TLE6: variants seen among roughly 807,000 people sequenced by gnomAD.
TLE6 encodes the protein transducin-like enhancer protein 6.
TLE6 carries 72 observed loss-of-function variants against 77.1 expected under a neutral mutation model. The observed-to-expected ratio is 0.93, with a 90% confidence interval of 0.77 to 1.14. The LOEUF (loss-of-function observed/expected upper bound fraction) is 1.14. Ranked by LOEUF, TLE6 falls within the 50% of genes most tolerant of loss-of-function variation. TLE6 has a pLI of 0.00. For synonymous variants in TLE6, 366 were observed against 287.3 expected, an observed-to-expected ratio of 1.27 and a Z score of -2.77; for missense variants, 843 against 747.6, an observed-to-expected ratio of 1.13 and a Z score of -1.49.
chr19:2,987,096 G>T lies in TLE6; in HGVS notation c.399G>T (p.Arg133=). ...IMATRSSDWL[R]RPLGEDNQPE... is the part of the protein sequence containing the mutation. ...CCACCAGGTCCTCCGACTGGCTCCGGCGGCCTTTGGGGGAGGACAATCAGC... is the reference window on the plus strand; with the variant it reads ...CCACCAGGTCCTCCGACTGGCTCCGTCGGCCTTTGGGGGAGGACAATCAGC... Residue 133 remains arginine (R), a synonymous_variant, in exon 7 of 17, where the codon CGG becomes CGT. Coordinates refer to ENST00000246112, the MANE Select transcript of TLE6 (RefSeq NM_001143986.2). The T allele has an allele frequency of 6.2e-7, 1 of 1,614,164 alleles. No individual in the cohort carries two copies. Among genetic ancestry groups the T allele is most frequent in the South Asian group, 1.1e-5 (1 of 91,092 alleles).
At chr19:2,986,693 G>A (rs1282921052) in intron 5 of TLE6, 136 bp from the exon 6 acceptor site, 1 of 880,398 alleles carries the variant, frequency 1.1e-6, no homozygotes, top group Non-Finnish European at 1.7e-6. Context: ...CAGCTTGGGT[G>A]ACAGAGTGAG....
At chr19:2,982,740 A>G (rs2088824992) in intron 5 of TLE6, among the ~76,000 whole-genome samples, 1 of 151,840 alleles carries the variant, frequency 6.6e-6, no homozygotes, top group African/African-American at 2.4e-5. Context: ...TATCTTGGGG[A>G]GCATCTCCTG....
In TLE6 at chr19:2,987,247, C is replaced by T; in HGVS notation, c.541+9C>T. ...AAAGCCCAGAGACAGACGTGAGTGT[C>T]CCTGAGGGTGAGGGGGAAGGGGCAG... On this transcript the variant is annotated intron_variant, in intron 7 of 16. Transcript: ENST00000246112. 1.2e-6 allele frequency: 2 copies of T among 1,614,106 alleles called. No homozygotes were observed. The highest frequency in any genetic ancestry group is 1.7e-6 in the Non-Finnish European group (2 of 1,179,970).
chr19:2,981,082 G>T (rs996485336), intron 3 of TLE6, among the ~76,000 whole-genome samples: 2 of 151,712 alleles, frequency 1.3e-5, no homozygotes, highest in Non-Finnish European at 2.9e-5. Context: ...GTGGCGGGGC[G>T]CGGTGGCTCA....
intron 3 of TLE6, among the ~76,000 whole-genome samples, chr19:2,980,644 G>C (rs2088779151): frequency 6.6e-6 from 1 of 151,516 alleles, no homozygotes; most frequent in South Asian, 2.1e-4. Context: ...ACTGAGGCAG[G>C]AGAATCTCTT....
Position 2,993,026 on chromosome 19 carries a change from T to TAAAAAA in TLE6, c.1387-384_1387-379dup, listed in dbSNP as rs377287142. Among the ~76,000 whole-genome samples the TAAAAAA allele has an allele frequency of 4.1e-4, 20 of 48,354 alleles. 2 individuals are homozygous for TAAAAAA. The highest frequency in any genetic ancestry group is 1.2e-3 in the African/African-American group (16 of 13,880). The allele number at this position is 48,354 out of a possible 152,430, so 31.7% of individuals were successfully genotyped here. ...CAACATGGTGAAACCCCGTCTCTAC[T>TAAAAAA]AAAAAAAAAAAAAAAAAAAAAAAAA... On this transcript the variant is annotated intron_variant, in intron 14 of 16. Transcript: ENST00000246112.
chr19:2,993,153 C>T (rs923555330), intron 14 of TLE6, among the ~76,000 whole-genome samples: 1 of 151,556 alleles, frequency 6.6e-6, no homozygotes, highest in South Asian at 2.1e-4. Context: ...CAGACGTTGT[C>T]GTAAGCCGAG....
intron 13 of TLE6, among the ~76,000 whole-genome samples, chr19:2,991,369 A>G (rs2089052268): frequency 8.6e-6 from 1 of 116,426 alleles, no homozygotes; most frequent in African/African-American, 3.5e-5. Context: ...AAAAAAAAAA[A>G]AAATACGTAT....
At chr19:2,993,281 G>A (rs1263415135) in intron 14 of TLE6, 151 bp from the exon 15 acceptor site, 55 of 670,712 alleles carry the variant, frequency 8.2e-5, no homozygotes. Context: ...AACAAACTGA[G>A]GCACAGATAC....
intron 13 of TLE6, among the ~76,000 whole-genome samples, chr19:2,991,391 TATATACACAC>T (rs1268746353): frequency 3.4e-4 from 39 of 114,838 alleles, no homozygotes; most frequent in African/African-American, 1.4e-3. Context: ...TATATATATA[TATATACACAC>T]ACACACACAC....
chr19:2,992,658 G>A (rs537836855), intron 14 of TLE6, among the ~76,000 whole-genome samples: 77 of 151,132 alleles, frequency 5.1e-4, no homozygotes, highest in African/African-American at 1.7e-3. Context: ...ACCTGGGGTC[G>A]CAGCTAGTTG....
chr19:2,988,065 G>A (rs527865221), intron 10 of TLE6, 26 bp from the exon 11 acceptor site: 1 of 1,554,426 alleles, frequency 6.4e-7, no homozygotes, highest in Admixed American at 2.0e-5. Flanking sequence ...GAGGCTGGGG[G>A]CAGCTGTGAT....
chr19:2,994,796 CCT>C (rs1172499692), intron 16 of TLE6, 102 bp from the exon 17 acceptor site: 2 of 661,618 alleles, frequency 3.0e-6, no homozygotes, highest in Non-Finnish European at 5.3e-6. Context: ...AGAGCAAGAC[CCT>C]GTCTTTCTTT....
intron 1 of TLE6, among the ~76,000 whole-genome samples, 175 bp downstream of exon 1, chr19:2,977,785 C>T (rs1688113654): frequency 6.6e-6 from 1 of 152,088 alleles, no homozygotes; most frequent in Non-Finnish European, 1.5e-5. Flanking sequence ...ATGAATTCCG[C>T]CTAATGCACC....
chr19:2,993,668 C>T lies in TLE6; in HGVS notation c.1537+86C>T, dbSNP rs187287206. On this transcript the variant is annotated intron_variant, in intron 15 of 16. Transcript: ENST00000246112. ...CACCTAATGCCAGCTCCCCACCCAA[C>T]CCTCTAGGACACCTCAGAACCCTTC... 40 of 1,457,908 alleles carry T rather than the reference C, an allele frequency of 2.7e-5. No individual in the cohort carries two copies. The Admixed American group carries it at 5.4e-4, about 20-fold the overall frequency. The allele number at this position is 1,457,908 out of a possible 1,614,324, so 90.3% of individuals were successfully genotyped here.
chr19:2,977,812 A>G (rs1013259906), intron 1 of TLE6, among the ~76,000 whole-genome samples: 10 of 152,092 alleles, frequency 6.6e-5, no homozygotes, highest in African/African-American at 2.2e-4. Context: ...ACTCCTAGTC[A>G]TCCTTCAAAA....
rs2088718143 is a variant in TLE6, at chr19:2,978,210, G to T, written c.-24G>T. The T allele has an allele frequency of 1.3e-6, 2 of 1,551,350 alleles. No homozygotes were observed. Among genetic ancestry groups the T allele is most frequent in the South Asian group, 2.4e-5 (2 of 84,062 alleles). On this transcript the variant is annotated 5_prime_UTR_variant, in exon 2 of 17. Transcript: ENST00000246112. ...CTTGTTGTTTTAGACTCTGGCTAAA[G>T]TCTTGGAGGCTACTGCCTTGAAGAT...
chr19:2,980,132 T>C lies in TLE6; in HGVS notation c.84T>C (p.Ser28=). 1 of 1,550,514 alleles carries C rather than the reference T, an allele frequency of 6.4e-7. No individual in the cohort carries two copies. The highest frequency in any genetic ancestry group is 8.7e-7 in the Non-Finnish European group (1 of 1,146,188). Residue 28 remains serine, a synonymous_variant, in exon 3 of 17, where the codon TCT becomes TCC. Transcript: ENST00000246112. ...PCPGISNSES[S]PTLNYQGILN... The stretch of plus-strand genomic sequence containing the variant: ...CTGGGATCTCGAACTCTGAGAGCTC[T>C]CCGACGCTGAATTATCAGGGCATTC...
At position 2,987,094 on chromosome 19, in the gene TLE6, C is replaced by T. The variant is rs548008497; in HGVS notation, c.397C>T (p.Arg133Trp). 5.0e-6 allele frequency: 8 copies of T among 1,614,146 alleles called. No individual in the cohort carries two copies. The highest frequency in any genetic ancestry group is 2.7e-5 in the African/African-American group (2 of 75,052). ...IMATRSSDWL[R>W]RPLGEDNQPE... is the part of the protein sequence containing the mutation. ...GGCCACCAGGTCCTCCGACTGGCTC[C>T]GGCGGCCTTTGGGGGAGGACAATCA... Residue 133 changes from arginine (R) to tryptophan (W), a missense_variant, in exon 7 of 17, where the codon CGG (arginine) becomes TGG (tryptophan). Coordinates refer to ENST00000246112, the MANE Select transcript of TLE6 (RefSeq NM_001143986.2).
Sources: allele counts gnomAD v4.1 joint callset (sites outside exome capture counted in the v4.1 genomes callset), GRCh38; gene constraint gnomAD v4.1.1; transcripts MANE v1.5; gene names NCBI Gene and HGNC (gene_info 2026-07-23, HGNC 2026-07-21).